DPYD: variants seen among roughly 807,000 people sequenced by gnomAD.
DPYD encodes dihydropyrimidine dehydrogenase.
Under a neutral mutation model 116.2 loss-of-function variants are expected in DPYD, and 109 were observed. The ratio of observed to expected loss-of-function variants is 0.94; its 90% CI spans 0.80 to 1.10. The LOEUF (loss-of-function observed/expected upper bound fraction) is 1.10, where lower values mean the gene tolerates loss of function less well. DPYD is among the 50% of genes least tolerant of loss of function. DPYD has a pLI of 0.00. For synonymous variants in DPYD, 440 were observed against 432.0 expected (o/e 1.02, Z -0.23); for missense variants, 1,302 against 1,254.5 (o/e 1.04, Z -0.57).
chr1:97,597,599 C>T (rs2102266954), intron 8 of DPYD, among the ~76,000 whole-genome samples: 1 of 152,304 alleles, frequency 6.6e-6, no homozygotes, highest in Admixed American at 6.5e-5. Flanking sequence ...TTAATATCTA[C>T]AACCACTTGA....
chr1:97,118,045 T>C (rs765480996), intron 20 of DPYD, among the ~76,000 whole-genome samples: 2 of 152,196 alleles, frequency 1.3e-5, no homozygotes, highest in African/African-American at 4.8e-5. Context: ...AAGGATTCTG[T>C]TTTCATTCTT....
intron 1 of DPYD, among the ~76,000 whole-genome samples, chr1:97,892,393 C>T (rs1340408624): frequency 6.6e-6 from 1 of 151,730 alleles, no homozygotes. Flanking sequence ...TCTCATTAGT[C>T]ATAGTGTAGA....
chr1:97,261,846 G>GT (rs1331971281), intron 18 of DPYD, among the ~76,000 whole-genome samples: 4 of 151,906 alleles, frequency 2.6e-5, no homozygotes, highest in African/African-American at 7.2e-5. Flanking sequence ...TTAAAACTCC[G>GT]TAAGTTTTTT....
rs556847533 is a variant in DPYD, at chr1:97,735,371, T to C, written c.321+5021A>G. Among the ~76,000 whole-genome samples the C allele has an allele frequency of 1.1e-3, 164 of 151,854 alleles. 6 individuals carry two copies. The South Asian group carries it at 0.033, about 31-fold the overall frequency. On this transcript the variant is annotated intron_variant, in intron 4 of 22. Coordinates refer to ENST00000370192, the MANE Select transcript of DPYD (RefSeq NM_000110.4). ...ATTGACAGAATATGAAAACGAATATTTTAAGTTTTAAGAAATAAAAGGCGG... is the reference window on the plus strand; with the variant it reads ...ATTGACAGAATATGAAAACGAATATCTTAAGTTTTAAGAAATAAAAGGCGG...
At chr1:97,686,604 T>C (rs939294722) in intron 7 of DPYD, among the ~76,000 whole-genome samples, 2 of 111,850 alleles carry the variant, frequency 1.8e-5, no homozygotes, top group African/African-American at 7.1e-5. Flanking sequence ...GCCACTGCAC[T>C]CCAGCCTGGG....
chr1:97,237,241 C>CAAAAAAAAAAAAAAAAA (rs58926889), intron 18 of DPYD, among the ~76,000 whole-genome samples: 2 of 57,700 alleles, frequency 3.5e-5, no homozygotes, highest in African/African-American at 1.4e-4. Flanking sequence ...GATTCTGTCT[C>CAAAAAAAAAAAAAAAAA]AAAAAAAAAA....
At chr1:97,549,479 C>G in intron 12 of DPYD, 81 bp downstream of exon 12, 1 of 1,434,750 alleles carries the variant, frequency 7.0e-7, no homozygotes. Flanking sequence ...AATAGAAATG[C>G]TCTTATAGAT....
chr1:97,638,734 C>T (rs1538120), intron 8 of DPYD, among the ~76,000 whole-genome samples: 142,145 of 152,138 alleles, frequency 0.93, 66,509 homozygotes, highest in East Asian at 0.97. Context: ...GTATGTCACA[C>T]GGTGAGAGAG....
At chr1:97,305,559 G>A (rs1667110192) in intron 17 of DPYD, among the ~76,000 whole-genome samples, 181 bp from the exon 18 acceptor site, 1 of 151,936 alleles carries the variant, frequency 6.6e-6, no homozygotes, top group African/African-American at 2.4e-5. Flanking sequence ...CATTAAAGAA[G>A]TTTTAATTAC....
rs185405675 is a variant in DPYD, at chr1:97,546,894, C to T, written c.1524+2666G>A. On this transcript the variant is annotated intron_variant, in intron 12 of 22. Transcript: ENST00000370192. Reference sequence around the variant, plus strand: ...ATACAGCAATAGAGGGGGATGAAGACCAGGAGGACAGTGAGGGCTTTGAAG... The same window carrying T: ...ATACAGCAATAGAGGGGGATGAAGATCAGGAGGACAGTGAGGGCTTTGAAG... 167 of 1,608,892 alleles carry T rather than the reference C, an allele frequency of 1.0e-4. No individual in the cohort carries two copies. The Admixed American group carries it at 2.7e-3, about 26-fold the overall frequency.
At chr1:97,182,815 G>A (rs1024731989) in intron 20 of DPYD, among the ~76,000 whole-genome samples, 1 of 152,084 alleles carries the variant, frequency 6.6e-6, no homozygotes, top group African/African-American at 2.4e-5. Flanking sequence ...GAGCCTACCA[G>A]CAGGTCCTTA....
At chr1:97,484,252 G>C (rs890070174) in intron 13 of DPYD, among the ~76,000 whole-genome samples, 1 of 152,064 alleles carries the variant, frequency 6.6e-6, no homozygotes, top group Non-Finnish European at 1.5e-5. Flanking sequence ...TGCAGTGAGC[G>C]GAGATAGCAC....
Position 97,523,192 on chromosome 1 carries a change from A to G in DPYD, c.1525-7251T>C, listed in dbSNP as rs957666731. On this transcript the variant is annotated intron_variant, in intron 12 of 22. Coordinates refer to ENST00000370192, the MANE Select transcript of DPYD (RefSeq NM_000110.4). ...AAGAACTGAGATGAGAATGGTAAAA[A>G]TGGAGATTAAGGAAAAGCTAAATGT... 3.9e-5 allele frequency among the ~76,000 whole-genome samples: 6 copies of G among 152,320 alleles called. No individual in the cohort carries two copies. The East Asian group carries it at 7.7e-4, about 20-fold the overall frequency.
At chr1:97,471,509 C>T (rs1677651408) in intron 13 of DPYD, among the ~76,000 whole-genome samples, 1 of 151,770 alleles carries the variant, frequency 6.6e-6, no homozygotes, top group Non-Finnish European at 1.5e-5. Flanking sequence ...TAATAAAACA[C>T]CATGGAGCTT....
chr1:97,135,452 G>A (rs1345535677), intron 20 of DPYD, among the ~76,000 whole-genome samples: 1 of 152,094 alleles, frequency 6.6e-6, no homozygotes, highest in African/African-American at 2.4e-5. Flanking sequence ...AAAACATGAT[G>A]TCCTGTTTTA....
chr1:97,618,407 G>T (rs552761996), intron 8 of DPYD, among the ~76,000 whole-genome samples: 50 of 148,064 alleles, frequency 3.4e-4, no homozygotes, highest in African/African-American at 1.2e-3. Flanking sequence ...ATGGAGTCTG[G>T]CTCTGTCACA....
chr1:97,336,985 G>GT (rs983568425), intron 16 of DPYD, among the ~76,000 whole-genome samples: 3 of 152,130 alleles, frequency 2.0e-5, no homozygotes, highest in African/African-American at 7.2e-5. Context: ...TTGTGAAAAC[G>GT]TGACTGGTGA....
intron 11 of DPYD, among the ~76,000 whole-genome samples, chr1:97,555,919 T>C (rs916528682): frequency 1.3e-5 from 2 of 152,190 alleles, no homozygotes; most frequent in African/African-American, 4.8e-5. Context: ...ACATGTACAG[T>C]AGTACCTCCC....
intron 8 of DPYD, among the ~76,000 whole-genome samples, chr1:97,660,909 C>T (rs1392074755): frequency 6.6e-6 from 1 of 152,140 alleles, no homozygotes; most frequent in Admixed American, 6.6e-5. Flanking sequence ...TCTCAAACAT[C>T]TGTTTTCTAC....
Sources: gnomAD v4.1 joint callset for allele counts (sites outside exome capture counted in the v4.1 genomes callset) on GRCh38, gnomAD v4.1.1 for gene constraint, MANE v1.5 for transcripts, NCBI Gene and HGNC (gene_info 2026-07-23, HGNC 2026-07-21) for gene names.